The following CRACR2A variants were observed in gnomAD, a reference collection of about 807,000 sequenced individuals.
CRACR2A encodes EF-hand calcium-binding domain-containing protein 4B.
A neutral mutation model predicts 90.5 loss-of-function variants in CRACR2A; 79 were observed. The ratio of observed to expected loss-of-function variants is 0.87; its 90% CI spans 0.73 to 1.05. The LOEUF (loss-of-function observed/expected upper bound fraction) is 1.05. CRACR2A is among the 50% of genes least tolerant of loss of function. The pLI, the probability that CRACR2A is intolerant of heterozygous loss-of-function variation, is 0.00. For synonymous variants in CRACR2A, 338 were observed against 356.7 expected, an observed-to-expected ratio of 0.95 and a Z score of 0.59; for missense variants, 823 against 897.2, an observed-to-expected ratio of 0.92 and a Z score of 1.06.
intron 9 of CRACR2A, among the ~76,000 whole-genome samples, chr12:3,655,303 G>T (rs1944881134): frequency 6.6e-6 from 1 of 152,202 alleles, no homozygotes; most frequent in Non-Finnish European, 1.5e-5. Context: ...AGTAGGAGAA[G>T]CAAGGTACAA....
chr12:3,736,784 T>C (rs61075782), intron 1 of CRACR2A, among the ~76,000 whole-genome samples: 21,961 of 152,142 alleles, frequency 0.14, 1,729 homozygotes, highest in Middle Eastern at 0.17. Flanking sequence ...TTTAACGAAC[T>C]AGAGGCTGAC....
At chr12:3,621,680 A>AAAAAAAAAAAAAAAC (rs1944142102) in intron 17 of CRACR2A, among the ~76,000 whole-genome samples, 1 of 141,968 alleles carries the variant, frequency 7.0e-6, no homozygotes, top group African/African-American at 2.7e-5. Flanking sequence ...AAAAAAAAAA[A>AAAAAAAAAAAAAAAC]ACCAAAGCAA....
At chr12:3,669,342 A>T (rs1945201010) in intron 7 of CRACR2A, among the ~76,000 whole-genome samples, 1 of 152,234 alleles carries the variant, frequency 6.6e-6, no homozygotes, top group Admixed American at 6.5e-5. Context: ...GATGCTTTCC[A>T]TGGCAAAGAA....
Position 3,723,098 on chromosome 12 carries a change from G to A in CRACR2A, c.-117-9781C>T, listed in dbSNP as rs551596953. ...CTAAACAATTCCTGGTGTAACTAGT[G>A]AACATCTATTACTCCTGCTGGACTG... On this transcript the variant is annotated intron_variant, in intron 2 of 19. Coordinates refer to ENST00000440314, the MANE Select transcript of CRACR2A (RefSeq NM_001144958.2). 2.6e-5 allele frequency among the ~76,000 whole-genome samples: 4 copies of A among 152,300 alleles called. No individual in the cohort carries two copies. The East Asian group carries it at 7.7e-4, about 29-fold the overall frequency.
chr12:3,664,197 T>C (rs945452937), intron 7 of CRACR2A, among the ~76,000 whole-genome samples: 3 of 152,258 alleles, frequency 2.0e-5, no homozygotes, highest in Non-Finnish European at 4.4e-5. Flanking sequence ...AGTTTTATTA[T>C]ATTATAGTAA....
intron 3 of CRACR2A, among the ~76,000 whole-genome samples, chr12:3,712,414 C>G (rs1946018378): frequency 6.6e-6 from 1 of 152,170 alleles, no homozygotes; most frequent in Non-Finnish European, 1.5e-5. Flanking sequence ...CCCCAGGGAG[C>G]TCTTACTCAT....
At chr12:3,641,550 C>A (rs939870153) in intron 13 of CRACR2A, among the ~76,000 whole-genome samples, 182 bp downstream of exon 13, 3 of 152,174 alleles carry the variant, frequency 2.0e-5, no homozygotes, top group Non-Finnish European at 4.4e-5. Context: ...TCTGCACATT[C>A]CCCCTCTGGC....
At chr12:3,642,010 T>C (rs548857192) in intron 12 of CRACR2A, among the ~76,000 whole-genome samples, 172 bp from the exon 13 acceptor site, 1 of 152,162 alleles carries the variant, frequency 6.6e-6, no homozygotes, top group Admixed American at 6.5e-5. Flanking sequence ...TTTGCCATCA[T>C]CCCCTACCAG....
intron 2 of CRACR2A, among the ~76,000 whole-genome samples, chr12:3,724,154 G>C (rs1288281650): frequency 6.6e-6 from 1 of 152,086 alleles, no homozygotes. Context: ...GCGTTTAATT[G>C]CTTTTCTCTA....
intron 3 of CRACR2A, among the ~76,000 whole-genome samples, chr12:3,709,831 G>A (rs934786634): frequency 1.3e-5 from 2 of 152,192 alleles, no homozygotes; most frequent in African/African-American, 4.8e-5. Flanking sequence ...TGTACAATGA[G>A]GCTAATGATT....
At chr12:3,684,119 T>C (rs747436739) in intron 4 of CRACR2A, among the ~76,000 whole-genome samples, 7 of 152,206 alleles carry the variant, frequency 4.6e-5, no homozygotes, top group Non-Finnish European at 8.8e-5. Flanking sequence ...GCTTCAAACA[T>C]GCTTCCATGA....
At chr12:3,630,808 G>A (rs1263086388) in intron 15 of CRACR2A, among the ~76,000 whole-genome samples, 2 of 152,200 alleles carry the variant, frequency 1.3e-5, no homozygotes, top group Admixed American at 6.5e-5. Context: ...CAGGCAGGAC[G>A]CCCCAGTCAC....
At chr12:3,703,211 C>T (rs570327043) in intron 3 of CRACR2A, among the ~76,000 whole-genome samples, 1 of 152,280 alleles carries the variant, frequency 6.6e-6, no homozygotes, top group Admixed American at 6.5e-5. Context: ...GCCTCAGCCT[C>T]CCGAGTACCT....
intron 7 of CRACR2A, among the ~76,000 whole-genome samples, chr12:3,668,094 G>A (rs55973822): frequency 0.01 from 1,529 of 152,224 alleles, 26 homozygotes; most frequent in African/African-American, 0.035. Flanking sequence ...AGCACAAACC[G>A]TCCTCACTTT....
chr12:3,717,152 G>T (rs1220909459), intron 2 of CRACR2A, among the ~76,000 whole-genome samples: 1 of 152,114 alleles, frequency 6.6e-6, no homozygotes, highest in African/African-American at 2.4e-5. Flanking sequence ...ATCCCATTTA[G>T]CAAGGTCACG....
At chr12:3,694,246 C>T (rs1591692949) in intron 4 of CRACR2A, among the ~76,000 whole-genome samples, 1 of 152,204 alleles carries the variant, frequency 6.6e-6, no homozygotes, top group Non-Finnish European at 1.5e-5. Context: ...GGCCAGCACC[C>T]CATTCCATTT....
intron 3 of CRACR2A, among the ~76,000 whole-genome samples, chr12:3,701,228 T>C (rs1370683281): frequency 1.3e-5 from 2 of 151,198 alleles, no homozygotes; most frequent in Non-Finnish European, 2.9e-5. Flanking sequence ...AGGAAAAAAT[T>C]TATAGCGCTA....
At chr12:3,648,117 T>C in intron 11 of CRACR2A, 2 of 1,012,290 alleles carry the variant, frequency 2.0e-6, no homozygotes, top group Non-Finnish European at 2.4e-6. Context: ...GGTAAATTAC[T>C]TCTTTCCTCT....
chr12:3,634,610 A>G (rs1251604750), intron 14 of CRACR2A, among the ~76,000 whole-genome samples: 2 of 152,242 alleles, frequency 1.3e-5, no homozygotes, highest in African/African-American at 4.8e-5. Context: ...GCTCAAACGC[A>G]GGCATCTTGC....
Sources: allele counts gnomAD v4.1 joint callset (sites outside exome capture counted in the v4.1 genomes callset), GRCh38; gene constraint gnomAD v4.1.1; transcripts MANE v1.5; gene names NCBI Gene and HGNC (gene_info 2026-07-23, HGNC 2026-07-21).